Variants in LMBR1 observed in about 807,000 individuals in gnomAD.
LMBR1 encodes limb development membrane protein 1, also known as limb region 1 protein homolog.
A neutral mutation model predicts 73.9 loss-of-function variants in LMBR1; 52 were observed. The ratio of observed to expected loss-of-function variants is 0.70; its 90% CI spans 0.56 to 0.89. The LOEUF (loss-of-function observed/expected upper bound fraction) is 0.89. Ranked by LOEUF, LMBR1 falls within the 40% of genes least tolerant of loss-of-function variation. LMBR1 has a pLI of 0.00. For synonymous variants in LMBR1, 215 were observed against 209.4 expected, an observed-to-expected ratio of 1.03 and a Z score of -0.23; for missense variants, 539 against 579.8, an observed-to-expected ratio of 0.93 and a Z score of 0.72.
chr7:156,815,305 TA>T (rs971442154), intron 4 of LMBR1, among the ~76,000 whole-genome samples: 62 of 147,264 alleles, frequency 4.2e-4, no homozygotes, highest in Admixed American at 1.0e-3. Flanking sequence ...TTAATTTCAC[TA>T]AAAAAAAAAA....
chr7:156,699,877 G>C (rs925325825), intron 15 of LMBR1, among the ~76,000 whole-genome samples: 13 of 152,228 alleles, frequency 8.5e-5, no homozygotes, highest in South Asian at 6.2e-4. Flanking sequence ...AGTTAGAATG[G>C]CGATCATTTA....
chr7:156,704,714 T>C (rs962705492), intron 15 of LMBR1, among the ~76,000 whole-genome samples: 3 of 141,736 alleles, frequency 2.1e-5, no homozygotes, highest in African/African-American at 7.9e-5. Flanking sequence ...GAAATCAATA[T>C]AGGATGTGAA....
intron 9 of LMBR1, among the ~76,000 whole-genome samples, chr7:156,739,478 G>C (rs1461152139): frequency 6.6e-6 from 1 of 152,170 alleles, no homozygotes; most frequent in Non-Finnish European, 1.5e-5. Context: ...TGTTTACAGT[G>C]GGCTTTGAGT....
At chr7:156,727,146 A>G (rs1815934743) in intron 12 of LMBR1, among the ~76,000 whole-genome samples, 1 of 152,194 alleles carries the variant, frequency 6.6e-6, no homozygotes, top group Non-Finnish European at 1.5e-5. Flanking sequence ...GGTTAGAAAA[A>G]GGTATTACTT....
At chr7:156,676,849 A>C, downstream of LMBR1, 1 of 570,194 alleles carries the variant, frequency 1.8e-6, no homozygotes, top group Non-Finnish European at 3.1e-6. Context: ...GGTCTCTAAA[A>C]AGTAAATTTC....
intron 5 of LMBR1, among the ~76,000 whole-genome samples, chr7:156,789,102 T>A (rs570745352): frequency 1.2e-4 from 19 of 152,210 alleles, no homozygotes; most frequent in Non-Finnish European, 1.9e-4. Flanking sequence ...AATTTCTTCT[T>A]CCTCTGTGCT....
chr7:156,673,684 C>T (rs77318646), downstream of LMBR1, among the ~76,000 whole-genome samples: 4,672 of 152,220 alleles, frequency 0.031, 112 homozygotes, highest in East Asian at 0.12. Flanking sequence ...ACAGAATGTT[C>T]TTTACTCAAA....
chr7:156,675,729 T>C (rs754974929), downstream of LMBR1: 2 of 1,601,116 alleles, frequency 1.2e-6, no homozygotes, highest in East Asian at 4.5e-5. Context: ...CCTGTGCTCA[T>C]ACAACACCAA....
chr7:156,767,170 C>T (rs1056658107), intron 5 of LMBR1, among the ~76,000 whole-genome samples: 2 of 152,098 alleles, frequency 1.3e-5, no homozygotes, highest in Admixed American at 6.5e-5. Context: ...AAAAGCCGTA[C>T]AGACCCCCCT....
chr7:156,804,478 T>C (rs964002904), intron 4 of LMBR1, among the ~76,000 whole-genome samples: 3 of 152,234 alleles, frequency 2.0e-5, no homozygotes, highest in African/African-American at 7.2e-5. Context: ...GGTTGTATTT[T>C]ACAGTCTCTC....
chr7:156,692,876 T>C (rs1807508681), intron 15 of LMBR1, among the ~76,000 whole-genome samples: 1 of 152,210 alleles, frequency 6.6e-6, no homozygotes, highest in Non-Finnish European at 1.5e-5. Context: ...ACTACATTTC[T>C]TATTTCAAAA....
downstream of LMBR1, chr7:156,675,668 A>C (rs924184767): frequency 6.3e-7 from 1 of 1,598,828 alleles, no homozygotes; most frequent in African/African-American, 1.3e-5. Context: ...CTCAGGTGTG[A>C]GCTTACCCGC....
chr7:156,732,565 G>T (rs922909242), intron 10 of LMBR1, among the ~76,000 whole-genome samples: 2 of 152,068 alleles, frequency 1.3e-5, no homozygotes, highest in Admixed American at 1.3e-4. Flanking sequence ...AAACAACCCA[G>T]GGCTAAAGAA....
intron 5 of LMBR1, among the ~76,000 whole-genome samples, chr7:156,792,908 G>A (rs1243928342): frequency 1.4e-5 from 2 of 147,976 alleles, no homozygotes; most frequent in East Asian, 4.1e-4. Context: ...CAGGAGGGTG[G>A]CCACAGGAAA....
In LMBR1 at chr7:156,681,205, C is replaced by A. The variant is rs1585162771; in HGVS notation, c.*2873G>T. On this transcript the variant is annotated 3_prime_UTR_variant, in exon 17 of 17. Coordinates refer to ENST00000353442, the MANE Select transcript of LMBR1 (RefSeq NM_022458.4). ...GTGTCCCTGGCAGACGAGGTCATCA[C>A]TGAGGCTGCAGGGAGGGCCATGGGC... is the stretch of plus-strand genomic sequence containing the variant. 2 of 453,256 alleles carry A rather than the reference C, an allele frequency of 4.4e-6. No homozygotes were observed. Among genetic ancestry groups the A allele is most frequent in the Non-Finnish European group, 8.9e-6 (2 of 225,976 alleles). 28.1% of individuals were successfully genotyped at this position (453,256 alleles called of 1,614,324 possible). A position where few individuals can be genotyped will look rare whatever the true frequency, so the allele number is the denominator to read the frequency against.
chr7:156,785,238 C>T (rs545106661), intron 5 of LMBR1, among the ~76,000 whole-genome samples: 2 of 152,238 alleles, frequency 1.3e-5, no homozygotes, highest in Admixed American at 6.5e-5. Context: ...GATTGCACCA[C>T]TGCACTCCAG....
chr7:156,830,650 T>C (rs1366296660), intron 3 of LMBR1, among the ~76,000 whole-genome samples: 1 of 152,242 alleles, frequency 6.6e-6, no homozygotes, highest in Non-Finnish European at 1.5e-5. Context: ...CAGCATTCCA[T>C]CTTAAGTCTT....
At chr7:156,885,541 G>C (rs1404411149) in intron 1 of LMBR1, among the ~76,000 whole-genome samples, 1 of 151,978 alleles carries the variant, frequency 6.6e-6, no homozygotes, top group African/African-American at 2.4e-5. Context: ...CTTGAGGCCA[G>C]GAGAGTTCAA....
chr7:156,822,738 T>TG (rs1225202199), intron 4 of LMBR1: 1 of 152,118 alleles, frequency 6.6e-6, no homozygotes, highest in Non-Finnish European at 1.5e-5. Flanking sequence ...GAAAAGCTGA[T>TG]GTGTTCAAAC....
Sources: gnomAD v4.1 joint callset for allele counts (sites outside exome capture counted in the v4.1 genomes callset) on GRCh38, gnomAD v4.1.1 for gene constraint, MANE v1.5 for transcripts, NCBI Gene and HGNC (gene_info 2026-07-23, HGNC 2026-07-21) for gene names.